ACACA: variants seen among roughly 807,000 people sequenced by gnomAD.
The protein encoded by ACACA is acetyl-CoA carboxylase alpha.
A neutral mutation model predicts 296.1 loss-of-function variants in ACACA; 103 were observed. The ratio of observed to expected loss-of-function variants is 0.35; its 90% CI spans 0.30 to 0.41. The LOEUF is 0.41. Ranked by LOEUF, ACACA falls within the 10% of genes least tolerant of loss-of-function variation. ACACA has a pLI of 1.00. For missense variants in ACACA, 1,554 were observed against 2,989.7 expected, an observed-to-expected ratio of 0.52 and a Z score of 11.20; for synonymous variants, 953 against 1,038.6, an observed-to-expected ratio of 0.92 and a Z score of 1.58.
In ACACA at chr17:37,136,680, C is replaced by A. The variant is rs566010775; in HGVS notation, c.5680-6462G>T. Among the ~76,000 whole-genome samples the A allele has an allele frequency of 5.9e-5, 9 of 152,184 alleles. 1 individual carries two copies. The highest frequency in any genetic ancestry group is 2.2e-4 in the African/African-American group (9 of 41,532). ...CATTTAGGCCAGGCACAGTGGCTCA[C>A]ACCTGTAATCCCAGCACTTTGGGAG... On this transcript the variant is annotated intron_variant, in intron 45 of 55. Transcript: ENST00000616317.
intron 8 of ACACA, among the ~76,000 whole-genome samples, chr17:37,275,252 C>A (rs1320460868): frequency 6.6e-6 from 1 of 151,994 alleles, no homozygotes; most frequent in Non-Finnish European, 1.5e-5. Flanking sequence ...AATCCCAGCA[C>A]TTTGGGAGGC....
At chr17:37,327,640 T>G (rs773384529) in intron 3 of ACACA, among the ~76,000 whole-genome samples, 11 of 152,194 alleles carry the variant, frequency 7.2e-5, no homozygotes, top group Non-Finnish European at 1.3e-4. Context: ...TATAACACAT[T>G]TATCTCACCA....
intron 43 of ACACA, among the ~76,000 whole-genome samples, chr17:37,153,832 T>G (rs1179875369): frequency 2.0e-5 from 3 of 152,038 alleles, no homozygotes; most frequent in African/African-American, 7.2e-5. Flanking sequence ...AAAACCTATA[T>G]GAAGAAAACT....
At chr17:37,112,773 T>C (rs1223476259) in intron 51 of ACACA, among the ~76,000 whole-genome samples, 1 of 152,140 alleles carries the variant, frequency 6.6e-6, no homozygotes, top group Non-Finnish European at 1.5e-5. Flanking sequence ...GTTTTGAAGT[T>C]TACTTAGGAA....
Position 37,339,841 on chromosome 17 carries a change from C to A in ACACA, c.48G>T (p.Trp16Cys), listed in dbSNP as rs1290477658. 1.5e-6 allele frequency: 2 copies of A among 1,314,756 alleles called. No individual in the cohort carries two copies. The highest frequency in any genetic ancestry group is 2.1e-6 in the Non-Finnish European group (2 of 935,414). The allele number at this position is 1,314,756 out of a possible 1,614,324, so 81.4% of individuals were successfully genotyped here. Residue 16 changes from tryptophan (W) to cysteine (C), a missense_variant, in exon 2 of 56, where the codon TGG (tryptophan) becomes TGT (cysteine). Transcript: ENST00000616317. Reference sequence around the variant, plus strand: ...TTACTGTCTGAGTAGATATCCACTTCCAAAAAGACCTAGAGAGAAAGAGAA... The same window carrying A: ...TTACTGTCTGAGTAGATATCCACTTACAAAAAGACCTAGAGAGAAAGAGAA... ...LMSILRARSF[W>C]KWISTQTVRI...
chr17:37,316,388 T>C (rs1567985215), intron 3 of ACACA, among the ~76,000 whole-genome samples: 1 of 151,730 alleles, frequency 6.6e-6, no homozygotes, highest in Non-Finnish European at 1.5e-5. Flanking sequence ...AGTTCAAACA[T>C]CTCCAAGACC....
intron 52 of ACACA, among the ~76,000 whole-genome samples, chr17:37,102,767 G>A (rs898088840): frequency 2.0e-5 from 3 of 152,220 alleles, no homozygotes; most frequent in African/African-American, 4.8e-5. Context: ...TTGGAAGGAC[G>A]GAGGATGCTG....
At chr17:37,230,530 T>C (rs918072774) in intron 25 of ACACA, among the ~76,000 whole-genome samples, 13 of 152,222 alleles carry the variant, frequency 8.5e-5, no homozygotes, top group Non-Finnish European at 1.9e-4. Context: ...TCCACTGTCA[T>C]CATTAATACT....
rs147790100 is a variant in ACACA, at chr17:37,191,522, A to G, written c.4417-247T>C. ...CATCATTCCCTTCCAAGAGGTAGAA[A>G]TACTGGGCATCCCCATAGCTGTAAG... On this transcript the variant is annotated intron_variant, in intron 37 of 55. Transcript: ENST00000616317. Among the ~76,000 whole-genome samples, 4 of 152,330 alleles carry G rather than the reference A, an allele frequency of 2.6e-5. No homozygotes were observed. The East Asian group carries it at 7.7e-4, about 29-fold the overall frequency.
At chr17:37,355,858 CAAATAAAT>C (rs916687689) in intron 1 of ACACA, among the ~76,000 whole-genome samples, 4 of 151,390 alleles carry the variant, frequency 2.6e-5, no homozygotes, top group Non-Finnish European at 4.4e-5. Context: ...AACTCTGTCT[CAAATAAAT>C]AAATAAATAA....
intron 1 of ACACA, among the ~76,000 whole-genome samples, chr17:37,402,847 T>C (rs189629510): frequency 8.5e-4 from 130 of 152,182 alleles, no homozygotes; most frequent in African/African-American, 3.0e-3. Context: ...TAATTTTTTG[T>C]ATTTTTAGTT....
intron 1 of ACACA, among the ~76,000 whole-genome samples, chr17:37,391,066 G>A (rs529292076): frequency 7.9e-5 from 12 of 151,962 alleles, no homozygotes; most frequent in African/African-American, 2.7e-4. Context: ...AGGTGAAACT[G>A]TCTCAACTAA....
At chr17:37,339,764 T>G (rs2048299757) in intron 2 of ACACA, 40 bp downstream of exon 2, 2 of 1,252,854 alleles carry the variant, frequency 1.6e-6, no homozygotes, top group Non-Finnish European at 2.3e-6. Context: ...GAACAAAATT[T>G]TTATCACATT....
At chr17:37,358,055 CAG>C (rs1005715425) in intron 1 of ACACA, among the ~76,000 whole-genome samples, 1 of 152,144 alleles carries the variant, frequency 6.6e-6, no homozygotes, top group Non-Finnish European at 1.5e-5. Context: ...TAAGTAGAAA[CAG>C]AATCAGGAAG....
At position 37,244,606 on chromosome 17, in the gene ACACA, A is replaced by C; in HGVS notation, c.2724T>G (p.Asp908Glu). ...VNVMNGYCLP[D>E]PFFSSKVKDW... Reference sequence around the variant, plus strand: ...TACATACCTTGCTGCTAAAGAAAGGATCTGGAAGGCAGTATCCATTCATTA... The same window carrying C: ...TACATACCTTGCTGCTAAAGAAAGGCTCTGGAAGGCAGTATCCATTCATTA... The change falls in exon 21 of 56, where the codon GAT becomes GAG. Residue 908 changes from aspartate (D) to glutamate (E), a missense_variant. By Grantham distance (45) the Asp-to-Glu change is conservative (BLOSUM62 2). This residue lies in a region of ACACA where 316 missense variants were observed against 540.9 expected (regional missense o/e 0.58). Transcript: ENST00000616317. The C allele has an allele frequency of 5.0e-6, 8 of 1,614,172 alleles. No individual in the cohort carries two copies. The highest frequency in any genetic ancestry group is 6.8e-6 in the Non-Finnish European group (8 of 1,180,014).
intron 52 of ACACA, among the ~76,000 whole-genome samples, chr17:37,105,819 G>C (rs1384333548): frequency 6.7e-6 from 1 of 149,546 alleles, no homozygotes; most frequent in Non-Finnish European, 1.5e-5. Flanking sequence ...AGCCGTGATC[G>C]TGCCATTGCA....
intron 1 of ACACA, among the ~76,000 whole-genome samples, chr17:37,398,175 A>G (rs2051143916): frequency 7.2e-6 from 1 of 139,630 alleles, no homozygotes; most frequent in Non-Finnish European, 1.5e-5. Context: ...GGTTGTAGTG[A>G]GCCGAGATCG....
Position 37,087,158 on chromosome 17 carries a change from C to T in ACACA, c.*158G>A, listed in dbSNP as rs775328483. ...GAGGGGGATTCTGTGATCTTACATCCCAGGATGTCATGCATAACCTGAAAC... is the reference window on the plus strand; with the variant it reads ...GAGGGGGATTCTGTGATCTTACATCTCAGGATGTCATGCATAACCTGAAAC... On this transcript the variant is annotated 3_prime_UTR_variant, in exon 56 of 56. Coordinates refer to ENST00000616317, the MANE Select transcript of ACACA (RefSeq NM_198834.3). 49 of 991,204 alleles carry T rather than the reference C, an allele frequency of 4.9e-5. No homozygotes were observed. The highest frequency in any genetic ancestry group is 6.4e-5 in the African/African-American group (4 of 62,726). The allele number at this position is 991,204 out of a possible 1,614,324, so 61.4% of individuals were successfully genotyped here.
chr17:37,164,109 A>G (rs1443460809), intron 41 of ACACA, among the ~76,000 whole-genome samples: 1 of 114,590 alleles, frequency 8.7e-6, no homozygotes, highest in Non-Finnish European at 1.7e-5. Context: ...GCCACCAAAC[A>G]CAAAGCCTAC....
Sources: allele counts gnomAD v4.1 joint callset (sites outside exome capture counted in the v4.1 genomes callset), GRCh38; gene constraint gnomAD v4.1.1; regional missense constraint gnomAD v4.1.1; transcripts MANE v1.5; gene names NCBI Gene and HGNC (gene_info 2026-07-23, HGNC 2026-07-21).